LMOD1: variants seen among roughly 807,000 people sequenced by gnomAD.
The protein encoded by LMOD1 is leiomodin-1.
LMOD1 carries 8 observed loss-of-function variants against 36.5 expected under a neutral mutation model. That is an observed-to-expected ratio of 0.22 (90% CI 0.13 to 0.40). The LOEUF (loss-of-function observed/expected upper bound fraction) is 0.40, where lower values mean the gene tolerates loss of function less well. LMOD1 is among the 10% of genes least tolerant of loss of function. The probability of loss-of-function intolerance (pLI) is 1.00; values close to 1 mark genes in which losing one functional copy is unlikely to be tolerated. For missense variants in LMOD1, 630 were observed against 751.1 expected (o/e 0.84, Z 1.88); for synonymous variants, 284 against 288.7 (o/e 0.98, Z 0.17).
rs1343538676 is a variant in LMOD1, at chr1:201,899,519, T to A, written c.1494A>T (p.Val498=). 1 of 1,613,904 alleles carries A rather than the reference T, an allele frequency of 6.2e-7. No homozygotes were observed. Among genetic ancestry groups the A allele is most frequent in the Non-Finnish European group, 8.5e-7 (1 of 1,179,872 alleles). ...CCTTAGCCACGGCCCCGGCCTTGGG[T>A]ACCTCCAGCAGATCCTTCTTCTCTC... ...AKGEKKDLLE[V]PKAGAVAKGS... Residue 498 remains valine (V), a synonymous_variant, in exon 2 of 3, where the codon GTA becomes GTT. Coordinates refer to ENST00000367288, the MANE Select transcript of LMOD1 (RefSeq NM_012134.3). The surrounding 1 kb of genome is among the most constrained non-coding windows in gnomAD (Gnocchi z 6.3).
chr1:201,934,682 G>T lies in LMOD1; in HGVS notation c.261+11398C>A, dbSNP rs73072609. On this transcript the variant is annotated intron_variant, in intron 1 of 2. Coordinates refer to ENST00000367288, the MANE Select transcript of LMOD1 (RefSeq NM_012134.3). ...TCCTTATCCATATTCTCTCTTTTGA[G>T]TCCACTATTCACCACAGTGAAATCA... 9.0e-3 allele frequency among the ~76,000 whole-genome samples: 1,364 copies of T among 152,224 alleles called. 22 individuals carry two copies. Among genetic ancestry groups the T allele is most frequent in the African/African-American group, 0.031 (1,290 of 41,534 alleles).
At chr1:201,906,078 A>G (rs1681406085) in intron 1 of LMOD1, among the ~76,000 whole-genome samples, 1 of 152,046 alleles carries the variant, frequency 6.6e-6, no homozygotes, top group Non-Finnish European at 1.5e-5. Flanking sequence ...TGAGGGTAGG[A>G]TCTATGGGGT....
In LMOD1 at chr1:201,900,725, T is replaced by A. The variant is rs1403745698; in HGVS notation, c.288A>T (p.Thr96=). 4 of 1,598,698 alleles carry A rather than the reference T, an allele frequency of 2.5e-6. No individual in the cohort carries two copies. In the Admixed American group the frequency reaches 7.2e-5, roughly 29 times the overall value. Residue 96 remains threonine (T), a synonymous_variant, in exon 2 of 3, where the codon ACA becomes ACT. Transcript: ENST00000367288. ...CCCTTTCCTCTCCATTCTTGGCATC[T>A]GTCTTGGTCTCCACTTGCTTGCTTT... is the stretch of plus-strand genomic sequence containing the variant. ...MDESKQVETK[T]DAKNGEERGR...
chr1:201,920,541 T>C (rs1681687362), intron 1 of LMOD1, among the ~76,000 whole-genome samples: 1 of 151,786 alleles, frequency 6.6e-6, no homozygotes, highest in Non-Finnish European at 1.5e-5. Context: ...TCAATCATAG[T>C]TGAGAAATAG....
At chr1:201,908,362 C>A (rs1681443228) in intron 1 of LMOD1, among the ~76,000 whole-genome samples, 1 of 152,142 alleles carries the variant, frequency 6.6e-6, no homozygotes, top group Admixed American at 6.5e-5. Context: ...AACTGTGACC[C>A]AGAAATGGGG....
chr1:201,900,254 C>T lies in LMOD1; in HGVS notation c.759G>A (p.Glu253=). ...GGNTDMKKED[E]KVKRGTGNTD... ...TGTTCCCAGTTCCTCTTTTTACCTT[C>T]TCATCCTCCTTTTTCATGTCTGTGT... The change falls in exon 2 of 3, where the codon GAG becomes GAA. Residue 253 remains glutamate, a synonymous_variant. Transcript: ENST00000367288. 6.2e-7 allele frequency: 1 copy of T among 1,613,658 alleles called. No homozygotes were observed. The highest frequency in any genetic ancestry group is 8.5e-7 in the Non-Finnish European group (1 of 1,179,732).
At chr1:201,904,099 C>T (rs1385984293) in intron 1 of LMOD1, among the ~76,000 whole-genome samples, 1 of 152,228 alleles carries the variant, frequency 6.6e-6, no homozygotes, top group Non-Finnish European at 1.5e-5. Context: ...CCTCACCCAC[C>T]AGCCTCCTCT....
At chr1:201,944,926 C>T (rs1294558670) in intron 1 of LMOD1, among the ~76,000 whole-genome samples, 1 of 152,192 alleles carries the variant, frequency 6.6e-6, no homozygotes, top group African/African-American at 2.4e-5. Context: ...ATAATGTTCC[C>T]ATTCTCAGTT....
At chr1:201,916,919 C>T (rs2885008) in intron 1 of LMOD1, among the ~76,000 whole-genome samples, 7,665 of 152,182 alleles carry the variant, frequency 0.05, 669 homozygotes, top group African/African-American at 0.18. Flanking sequence ...CTCCAGGGGT[C>T]GGAGTGGCGC....
Position 201,897,066 on chromosome 1 carries a change from T to A in LMOD1, c.*1306A>T. 3.6e-6 allele frequency: 1 copy of A among 280,550 alleles called. No individual in the cohort carries two copies. Among genetic ancestry groups the A allele is most frequent in the East Asian group, 8.8e-5 (1 of 11,368 alleles). 17.4% of individuals were successfully genotyped at this position (280,550 alleles called of 1,614,324 possible). On this transcript the variant is annotated 3_prime_UTR_variant, in exon 3 of 3. Transcript: ENST00000367288. The stretch of plus-strand genomic sequence containing the variant: ...AAAGATGCCTTTCACCTACACCCGA[T>A]GGTGGGCATGGCAGCATTGTCAGCA...
chr1:201,946,153 T>C lies in LMOD1; in HGVS notation c.188A>G (p.Tyr63Cys), dbSNP rs1441011019. ...GAAGTTGAGCATGGCCTCCCGGTTG[T>C]ACACACCCGTGGACTGTTTCTCCGT... is the stretch of plus-strand genomic sequence containing the variant. Reference protein sequence around the residue: ...NQTEKQSTGVYNREAMLNFCE... With the variant: ...NQTEKQSTGVCNREAMLNFCE... Residue 63 changes from tyrosine to cysteine, a missense_variant, in exon 1 of 3, where the codon TAC (tyrosine) becomes TGC (cysteine). Around this residue, in one of 3 missense-constraint regions of LMOD1, gnomAD observed 405 missense variants for 400.6 expected, o/e 1.01. Coordinates refer to ENST00000367288, the MANE Select transcript of LMOD1 (RefSeq NM_012134.3). 6.2e-7 allele frequency: 1 copy of C among 1,614,006 alleles called. No individual in the cohort carries two copies. The highest frequency in any genetic ancestry group is 8.5e-7 in the Non-Finnish European group (1 of 1,179,888).
intron 1 of LMOD1, among the ~76,000 whole-genome samples, chr1:201,920,995 G>A (rs188367877): frequency 2.6e-4 from 40 of 152,286 alleles, no homozygotes; most frequent in Non-Finnish European, 5.3e-4. Flanking sequence ...CATTTCTAGG[G>A]TACAGTTAAT....
chr1:201,943,447 C>G (rs1359111916), intron 1 of LMOD1, among the ~76,000 whole-genome samples: 1 of 152,232 alleles, frequency 6.6e-6, no homozygotes, highest in Non-Finnish European at 1.5e-5. Context: ...GGAGTGAAGG[C>G]CACCGTCAGT....
chr1:201,940,645 G>A (rs1297861274), intron 1 of LMOD1, among the ~76,000 whole-genome samples: 1 of 149,254 alleles, frequency 6.7e-6, no homozygotes, highest in African/African-American at 2.5e-5. Flanking sequence ...GAGAGCAGTG[G>A]CTCGATCTCA....
At chr1:201,935,975 C>T (rs1391422672) in intron 1 of LMOD1, among the ~76,000 whole-genome samples, 20 of 150,092 alleles carry the variant, frequency 1.3e-4, no homozygotes, top group African/African-American at 3.4e-4. Context: ...ATTAGCCGGG[C>T]GTGGTGGCAG....
chr1:201,912,412 C>T (rs558688047), intron 1 of LMOD1, among the ~76,000 whole-genome samples: 1 of 152,190 alleles, frequency 6.6e-6, no homozygotes, highest in Non-Finnish European at 1.5e-5. Context: ...TTCACTCCCT[C>T]CCTTATCTTG....
At chr1:201,928,043 A>G (rs946878428) in intron 1 of LMOD1, among the ~76,000 whole-genome samples, 2 of 152,134 alleles carry the variant, frequency 1.3e-5, no homozygotes, top group African/African-American at 2.4e-5. Flanking sequence ...GACAATTTCA[A>G]CTTCCTGGCT....
At chr1:201,935,305 G>A (rs1009631337) in intron 1 of LMOD1, among the ~76,000 whole-genome samples, 1 of 150,800 alleles carries the variant, frequency 6.6e-6, no homozygotes, top group African/African-American at 2.4e-5. Flanking sequence ...AAGCTATTTG[G>A]TGAATTTGAT....
chr1:201,944,324 A>G (rs1682167236), intron 1 of LMOD1, among the ~76,000 whole-genome samples: 1 of 152,188 alleles, frequency 6.6e-6, no homozygotes, highest in African/African-American at 2.4e-5. Context: ...CAGGAACAGG[A>G]GAATCCTTCA....
Sources: gnomAD v4.1 joint callset for allele counts (sites outside exome capture counted in the v4.1 genomes callset) on GRCh38, gnomAD v4.1.1 for gene constraint, gnomAD v4.1.1 regional missense constraint, Gnocchi (gnomAD v3.1) non-coding constraint, MANE v1.5 for transcripts, NCBI Gene and HGNC (gene_info 2026-07-23, HGNC 2026-07-21) for gene names.